Variants in CLYBL observed in about 807,000 individuals in gnomAD.
The protein encoded by CLYBL is citramalyl-CoA lyase, mitochondrial.
A neutral mutation model predicts 38.9 loss-of-function variants in CLYBL; 31 were observed. The ratio of observed to expected loss-of-function variants is 0.80; its 90% CI spans 0.60 to 1.08. CLYBL has a LOEUF of 1.08. Ranked by LOEUF, CLYBL falls within the 50% of genes least tolerant of loss-of-function variation. The pLI is 0.00. For synonymous variants in CLYBL, 171 were observed against 158.6 expected, an observed-to-expected ratio of 1.08 and a Z score of -0.59; for missense variants, 434 against 411.6, an observed-to-expected ratio of 1.05 and a Z score of -0.47.
At chr13:99,606,786 C>A in intron 1 of CLYBL, 29 bp downstream of exon 1, 1 of 1,372,538 alleles carries the variant, frequency 7.3e-7, no homozygotes, top group Non-Finnish European at 9.4e-7. Context: ...TCCCCGCCTT[C>A]CCGGCCCGGC....
Position 99,734,416 on chromosome 13 carries a change from C to A in CLYBL, c.63-38408C>A, listed in dbSNP as rs971495573. ...AGAAATTGAGATTAAAAAAAAAAAA[C>A]AAAACGGAGGAGAATGTAACGTTGG... On this transcript the variant is annotated intron_variant, in intron 1 of 8. Transcript: ENST00000339105. Among the ~76,000 whole-genome samples, 103 of 150,058 alleles carry A rather than the reference C, an allele frequency of 6.9e-4. 1 individual carries two copies. In the Middle Eastern group the frequency reaches 0.01, roughly 15 times the overall value.
intron 1 of CLYBL, among the ~76,000 whole-genome samples, chr13:99,757,028 T>C (rs772685878): frequency 1.3e-4 from 19 of 151,962 alleles, no homozygotes; most frequent in Non-Finnish European, 2.5e-4. Flanking sequence ...TCAGGAGTAG[T>C]GGGGACCATA....
chr13:99,717,436 GA>G (rs1172721313), intron 1 of CLYBL, among the ~76,000 whole-genome samples: 68,778 of 90,870 alleles, frequency 0.76, 25,748 homozygotes, highest in East Asian at 0.85. Flanking sequence ...AAAAAAATTA[GA>G]AAAAAAAAAA....
chr13:99,775,180 C>T (rs1365589148), intron 2 of CLYBL, among the ~76,000 whole-genome samples: 1 of 152,160 alleles, frequency 6.6e-6, no homozygotes, highest in Non-Finnish European at 1.5e-5. Flanking sequence ...TATAGTTCTT[C>T]ACAAATCTTG....
chr13:99,628,488 C>T (rs1476172310), intron 1 of CLYBL, among the ~76,000 whole-genome samples: 1 of 152,234 alleles, frequency 6.6e-6, no homozygotes, highest in Non-Finnish European at 1.5e-5. Flanking sequence ...GACATGGCCT[C>T]ATCCTTTCCC....
chr13:99,732,215 C>T (rs547805571), intron 1 of CLYBL, among the ~76,000 whole-genome samples: 2 of 133,730 alleles, frequency 1.5e-5, no homozygotes, highest in East Asian at 4.4e-4. Flanking sequence ...ACCTTGTCAC[C>T]TTGTCACCTA....
chr13:99,681,417 T>A (rs887265040), intron 1 of CLYBL, among the ~76,000 whole-genome samples: 7 of 152,156 alleles, frequency 4.6e-5, no homozygotes, highest in African/African-American at 1.7e-4. Context: ...TATATCTGCA[T>A]ATATTATGCA....
chr13:99,825,439 A>T (rs1721170286), intron 2 of CLYBL, among the ~76,000 whole-genome samples: 1 of 152,196 alleles, frequency 6.6e-6, no homozygotes, highest in South Asian at 2.1e-4. Flanking sequence ...CTGACCTTAG[A>T]GATAAGAATC....
At chr13:99,699,114 A>T (rs1008522078) in intron 1 of CLYBL, among the ~76,000 whole-genome samples, 2 of 152,170 alleles carry the variant, frequency 1.3e-5, no homozygotes, top group Non-Finnish European at 2.9e-5. Flanking sequence ...GGACTGGCGC[A>T]GTGGCTCATG....
chr13:99,884,920 T>G (rs954740445), intron 7 of CLYBL: 5 of 468,264 alleles, frequency 1.1e-5, no homozygotes, highest in Admixed American at 4.7e-5. Flanking sequence ...AGGTCCCAAA[T>G]TAAAGAAAAA....
chr13:99,888,115 A>T (rs909258384), intron 7 of CLYBL, among the ~76,000 whole-genome samples: 4 of 152,168 alleles, frequency 2.6e-5, no homozygotes, highest in African/African-American at 9.7e-5. Context: ...CTTGGCCTCC[A>T]AAGTGCTGGG....
intron 1 of CLYBL, among the ~76,000 whole-genome samples, chr13:99,622,705 C>T (rs1566591131): frequency 6.6e-6 from 1 of 152,238 alleles, no homozygotes; most frequent in East Asian, 1.9e-4. Context: ...CCCATTCCCT[C>T]CTCTCCTCAA....
chr13:99,845,956 T>TTA (rs943412057), intron 2 of CLYBL, among the ~76,000 whole-genome samples: 1 of 134,042 alleles, frequency 7.5e-6, no homozygotes, highest in Non-Finnish European at 1.6e-5. Flanking sequence ...TTAAAAATGC[T>TTA]TATATATTTG....
chr13:99,821,271 C>T (rs1422294822), intron 2 of CLYBL, among the ~76,000 whole-genome samples: 2 of 152,108 alleles, frequency 1.3e-5, no homozygotes, highest in Non-Finnish European at 2.9e-5. Context: ...CTATATTTAT[C>T]GGTATCCTCG....
At chr13:99,856,774 A>C (rs1458961436) in intron 2 of CLYBL, among the ~76,000 whole-genome samples, 1 of 151,760 alleles carries the variant, frequency 6.6e-6, no homozygotes, top group Non-Finnish European at 1.5e-5. Context: ...GAGTAGCTGG[A>C]ACTACAGGTA....
chr13:99,619,450 G>T (rs756468260), intron 1 of CLYBL, among the ~76,000 whole-genome samples: 7 of 152,314 alleles, frequency 4.6e-5, no homozygotes, highest in Non-Finnish European at 4.4e-5. Flanking sequence ...TTTTAAAATA[G>T]CAGCATAAAC....
intron 2 of CLYBL, among the ~76,000 whole-genome samples, chr13:99,837,159 G>A (rs1176451551): frequency 6.6e-6 from 1 of 152,132 alleles, no homozygotes; most frequent in Non-Finnish European, 1.5e-5. Flanking sequence ...GGAAAAATAA[G>A]GGTCAGGGCC....
In CLYBL at chr13:99,631,331, ATGTGTGTGTG is replaced by A. The variant is rs10643696; in HGVS notation, c.62+24598_62+24607del. 5.1e-3 allele frequency among the ~76,000 whole-genome samples: 743 copies of A among 145,270 alleles called. 5 individuals carry two copies. The highest frequency in any genetic ancestry group is 0.017 in the African/African-American group (673 of 39,340). On this transcript the variant is annotated intron_variant, in intron 1 of 8. Transcript: ENST00000339105. ...AGCCAGACCCTGTCTCCAAATATTT[ATGTGTGTGTG>A]TGTGTGTGTGTGTGTGTGTGTGTAT... is the stretch of plus-strand genomic sequence containing the variant.
Position 99,847,152 on chromosome 13 carries a change from T to C in CLYBL, c.250-11709T>C, listed in dbSNP as rs79509683. Among the ~76,000 whole-genome samples the C allele has an allele frequency of 1.5e-3, 221 of 152,248 alleles. 7 individuals are homozygous for C. The East Asian group carries it at 0.041, about 28-fold the overall frequency. On this transcript the variant is annotated intron_variant, in intron 2 of 8. Transcript: ENST00000339105. ...GACAGGTGACACGTCTGTTATCTGA[T>C]GTGTATCTGGAACCATGGTAAGGCT... is the stretch of plus-strand genomic sequence containing the variant.
Sources: gnomAD v4.1 joint callset for allele counts (sites outside exome capture counted in the v4.1 genomes callset) on GRCh38, gnomAD v4.1.1 for gene constraint, MANE v1.5 for transcripts, NCBI Gene and HGNC (gene_info 2026-07-23, HGNC 2026-07-21) for gene names.